RASGRF2: variants seen among roughly 807,000 people sequenced by gnomAD.
RASGRF2 encodes the protein Ras protein specific guanine nucleotide releasing factor 2, also known as ras-specific guanine nucleotide-releasing factor 2.
Under a neutral mutation model 151.0 loss-of-function variants are expected in RASGRF2, and 76 were observed. That is an observed-to-expected ratio of 0.50 (90% CI 0.42 to 0.61). RASGRF2 has a LOEUF of 0.61. Among genes scored for constraint, RASGRF2 ranks in the 20% least tolerant of loss-of-function variants. RASGRF2 has a pLI of 0.00. For synonymous variants in RASGRF2, 504 were observed against 566.5 expected (o/e 0.89, Z 1.57); for missense variants, 1,148 against 1,564.6 (o/e 0.73, Z 4.49).
intron 17 of RASGRF2, among the ~76,000 whole-genome samples, chr5:81,146,912 AG>A (rs1482086931): frequency 6.6e-6 from 1 of 152,192 alleles, no homozygotes; most frequent in Non-Finnish European, 1.5e-5. Flanking sequence ...TTGGTTATAT[AG>A]GTCTTTCTGT....
intron 9 of RASGRF2, among the ~76,000 whole-genome samples, chr5:81,089,049 A>C (rs1259709021): frequency 1.3e-5 from 2 of 152,226 alleles, no homozygotes; most frequent in Admixed American, 6.5e-5. Flanking sequence ...AGAGTTATAC[A>C]GTAAAGTTGG....
chr5:81,091,825 T>A (rs1445391121), intron 9 of RASGRF2, among the ~76,000 whole-genome samples: 2 of 152,158 alleles, frequency 1.3e-5, no homozygotes, highest in Non-Finnish European at 2.9e-5. Context: ...ATGACTGTTG[T>A]TAATGTTCAA....
rs1240744730 is a variant in RASGRF2, at chr5:81,227,950, C to T, written c.*2180C>T. 6.6e-6 allele frequency: 1 copy of T among 152,174 alleles called. No individual in the cohort carries two copies. Among genetic ancestry groups the T allele is most frequent in the Non-Finnish European group, 1.5e-5 (1 of 68,042 alleles). 9.4% of individuals were successfully genotyped at this position (152,174 alleles called of 1,614,324 possible). A position where few individuals can be genotyped will look rare whatever the true frequency, so the allele number is the denominator to read the frequency against. Reference sequence around the variant, plus strand: ...TAACAAAAAATAAGACAGGAGTTTCCAAATGCTCCTTCCCTTTTGGATCGC... The same window carrying T: ...TAACAAAAAATAAGACAGGAGTTTCTAAATGCTCCTTCCCTTTTGGATCGC... On this transcript the variant is annotated 3_prime_UTR_variant, in exon 27 of 27. Transcript: ENST00000265080.
rs547419403 is a variant in RASGRF2, at chr5:81,060,615, G to A, written c.396-7417G>A. On this transcript the variant is annotated intron_variant, in intron 2 of 26. Coordinates refer to ENST00000265080, the MANE Select transcript of RASGRF2 (RefSeq NM_006909.3). ...CCTACTGTGTTTACTCCTGTGCCCA[G>A]TATTTTGAACAGTTCCCAAATATAC... Among the ~76,000 whole-genome samples, 5 of 152,116 alleles carry A rather than the reference G, an allele frequency of 3.3e-5. No individual in the cohort carries two copies. The South Asian group carries it at 1.0e-3, about 32-fold the overall frequency.
chr5:81,132,791 G>A (rs1486789013), intron 17 of RASGRF2, among the ~76,000 whole-genome samples: 1 of 152,190 alleles, frequency 6.6e-6, no homozygotes, highest in Non-Finnish European at 1.5e-5. Flanking sequence ...ATTAGGCCCA[G>A]TTACAGATGG....
At chr5:81,000,934 A>G (rs1270547532) in intron 1 of RASGRF2, among the ~76,000 whole-genome samples, 2 of 152,348 alleles carry the variant, frequency 1.3e-5, no homozygotes, top group Middle Eastern at 3.4e-3. Flanking sequence ...ATAAGAATCT[A>G]TTAGGAGGAT....
Position 81,158,700 on chromosome 5 carries a change from A to G in RASGRF2, c.2687-21475A>G, listed in dbSNP as rs10044270. Reference sequence around the variant, plus strand: ...ACAAATGAAACATGAAAAGGTGTCAATGTCGTTAGTCATTAGAAGAAATAC... The same window carrying G: ...ACAAATGAAACATGAAAAGGTGTCAGTGTCGTTAGTCATTAGAAGAAATAC... On this transcript the variant is annotated intron_variant, in intron 17 of 26. Transcript: ENST00000265080. 1.1e-3 allele frequency among the ~76,000 whole-genome samples: 163 copies of G among 152,336 alleles called. 1 individual carries two copies. The highest frequency in any genetic ancestry group is 3.9e-3 in the African/African-American group (163 of 41,584).
intron 12 of RASGRF2, among the ~76,000 whole-genome samples, chr5:81,106,441 G>T (rs927840070): frequency 9.2e-5 from 14 of 152,150 alleles, no homozygotes; most frequent in Admixed American, 7.9e-4. Flanking sequence ...AGATCTTTCA[G>T]CGTAAGTGAG....
At chr5:81,205,380 C>T (rs1056782729) in intron 19 of RASGRF2, among the ~76,000 whole-genome samples, 7 of 152,204 alleles carry the variant, frequency 4.6e-5, no homozygotes, top group Non-Finnish European at 8.8e-5. Flanking sequence ...TGTCTTTGAG[C>T]TTTTGTTTCC....
rs894855762 is a variant in RASGRF2 at position 81,020,848 on chromosome 5, C to T, written c.289-22029C>T. On this transcript the variant is annotated intron_variant, in intron 1 of 26. Coordinates refer to ENST00000265080, the MANE Select transcript of RASGRF2 (RefSeq NM_006909.3). ...TTAAGTGTCTACTGGGTGCCAGGCA[C>T]TGGATGTCAGCTGCACTCAGTCCTA... 2.0e-5 allele frequency among the ~76,000 whole-genome samples: 3 copies of T among 152,318 alleles called. No homozygotes were observed. In the East Asian group the frequency reaches 5.8e-4, roughly 29 times the overall value.
rs575542201 is a variant in RASGRF2 at position 81,006,863 on chromosome 5, A to G, written c.289-36014A>G. 6.6e-5 allele frequency among the ~76,000 whole-genome samples: 10 copies of G among 152,328 alleles called. No individual in the cohort carries two copies. In the South Asian group the frequency reaches 2.1e-3, roughly 32 times the overall value. On this transcript the variant is annotated intron_variant, in intron 1 of 26. Transcript: ENST00000265080. Reference sequence around the variant, plus strand: ...TCTCAGAAAGAAAGATTCCAAGTCCATCAACACACTTTTATAGACTTGTCA... The same window carrying G: ...TCTCAGAAAGAAAGATTCCAAGTCCGTCAACACACTTTTATAGACTTGTCA...
chr5:80,987,370 C>G (rs1165322598), intron 1 of RASGRF2, among the ~76,000 whole-genome samples: 1 of 152,140 alleles, frequency 6.6e-6, no homozygotes, highest in African/African-American at 2.4e-5. Context: ...AGCATTCGGT[C>G]GAGTGAGAGC....
chr5:81,102,753 C>T (rs920027924), intron 12 of RASGRF2, among the ~76,000 whole-genome samples: 1 of 151,132 alleles, frequency 6.6e-6, no homozygotes, highest in African/African-American at 2.4e-5. Flanking sequence ...CAGACTTATT[C>T]ACATGGTGTA....
intron 1 of RASGRF2, among the ~76,000 whole-genome samples, chr5:81,028,652 A>C (rs1016855865): frequency 1.3e-5 from 2 of 152,226 alleles, no homozygotes; most frequent in African/African-American, 4.8e-5. Flanking sequence ...GAAAATAAAA[A>C]ATTTGCTATT....
At chr5:81,033,809 A>G (rs549473884) in intron 1 of RASGRF2, among the ~76,000 whole-genome samples, 77 of 152,348 alleles carry the variant, frequency 5.1e-4, no homozygotes, top group African/African-American at 1.8e-3. Context: ...GGATCCAATT[A>G]AACTAAAGAA....
intron 7 of RASGRF2, among the ~76,000 whole-genome samples, chr5:81,085,172 T>A (rs1428537806): frequency 6.6e-6 from 1 of 152,208 alleles, no homozygotes; most frequent in East Asian, 1.9e-4. Context: ...TCACTAGAAA[T>A]TAGGTTGAAT....
At chr5:81,034,217 A>G (rs911031728) in intron 1 of RASGRF2, among the ~76,000 whole-genome samples, 49 of 152,372 alleles carry the variant, frequency 3.2e-4, no homozygotes, top group African/African-American at 1.1e-3. Flanking sequence ...ATCACTGGCC[A>G]TCAGAGAAAT....
intron 17 of RASGRF2, among the ~76,000 whole-genome samples, chr5:81,163,207 G>A (rs183538645): frequency 1.3e-5 from 2 of 152,204 alleles, no homozygotes; most frequent in East Asian, 3.9e-4. Flanking sequence ...AGCTGCAGCA[G>A]CAGGAAAATA....
At chr5:81,197,209 C>T (rs1755284336) in intron 18 of RASGRF2, among the ~76,000 whole-genome samples, 1 of 151,970 alleles carries the variant, frequency 6.6e-6, no homozygotes, top group African/African-American at 2.4e-5. Context: ...GTAATCCCAG[C>T]ACTTTGGGAG....
Sources: gnomAD v4.1 joint callset for allele counts (sites outside exome capture counted in the v4.1 genomes callset) on GRCh38, gnomAD v4.1.1 for gene constraint, MANE v1.5 for transcripts, NCBI Gene and HGNC (gene_info 2026-07-23, HGNC 2026-07-21) for gene names.